CNTNAP5: variants seen among roughly 807,000 people sequenced by gnomAD.
CNTNAP5 encodes contactin associated protein family member 5, also known as contactin-associated protein-like 5.
In CNTNAP5, 72 loss-of-function variants were observed where a neutral mutation model predicts 150.2. That is an observed-to-expected ratio of 0.48 (90% CI 0.40 to 0.58). CNTNAP5 has a LOEUF of 0.58. Ranked by LOEUF, CNTNAP5 falls within the 20% of genes least tolerant of loss-of-function variation. The probability of loss-of-function intolerance (pLI) is 0.00; values close to 1 mark genes in which losing one functional copy is unlikely to be tolerated. For synonymous variants in CNTNAP5, 672 were observed against 619.8 expected, an observed-to-expected ratio of 1.08 and a Z score of -1.25; for missense variants, 1,636 against 1,626.2, an observed-to-expected ratio of 1.01 and a Z score of -0.10.
At chr2:124,372,884 G>A (rs1690563713) in intron 3 of CNTNAP5, among the ~76,000 whole-genome samples, 1 of 152,114 alleles carries the variant, frequency 6.6e-6, no homozygotes, top group Non-Finnish European at 1.5e-5. Flanking sequence ...TGAAGAAAAA[G>A]GAAGATAGTA....
chr2:124,278,325 G>A (rs918896456), intron 3 of CNTNAP5, among the ~76,000 whole-genome samples: 4 of 152,106 alleles, frequency 2.6e-5, no homozygotes, highest in Non-Finnish European at 4.4e-5. Flanking sequence ...TGGGAAAGAA[G>A]TGATAATTCG....
At chr2:124,177,809 T>G (rs1206204733) in intron 1 of CNTNAP5, among the ~76,000 whole-genome samples, 2 of 152,062 alleles carry the variant, frequency 1.3e-5, no homozygotes, top group Admixed American at 1.3e-4. Context: ...GGTTTTTGTT[T>G]GTTTGGTTGG....
chr2:124,668,078 G>A (rs562144318), intron 13 of CNTNAP5, among the ~76,000 whole-genome samples: 10 of 152,262 alleles, frequency 6.6e-5, no homozygotes, highest in South Asian at 6.2e-4. Flanking sequence ...AAGGTTAAAC[G>A]TGAGTGACTG....
chr2:124,462,742 T>TA (rs1220093854), intron 6 of CNTNAP5, among the ~76,000 whole-genome samples: 18 of 152,304 alleles, frequency 1.2e-4, no homozygotes, highest in African/African-American at 4.1e-4. Context: ...AGAGTACAGA[T>TA]AGAGAACCAC....
At chr2:124,179,507 G>T (rs1685158937) in intron 1 of CNTNAP5, among the ~76,000 whole-genome samples, 1 of 152,148 alleles carries the variant, frequency 6.6e-6, no homozygotes, top group African/African-American at 2.4e-5. Context: ...TTAGGAAAAG[G>T]TATGAAGGCT....
chr2:124,320,839 T>C (rs1324177295), intron 3 of CNTNAP5, among the ~76,000 whole-genome samples: 1 of 152,138 alleles, frequency 6.6e-6, no homozygotes, highest in Non-Finnish European at 1.5e-5. Flanking sequence ...ATGTGAGACA[T>C]GTTCACTGGT....
At chr2:124,186,658 C>A (rs1685340076) in intron 1 of CNTNAP5, among the ~76,000 whole-genome samples, 1 of 152,034 alleles carries the variant, frequency 6.6e-6, no homozygotes, top group South Asian at 2.1e-4. Context: ...CCATGCTGGC[C>A]CTGTTAAGCT....
chr2:124,584,293 G>T (rs887504938), intron 11 of CNTNAP5, among the ~76,000 whole-genome samples: 1 of 151,992 alleles, frequency 6.6e-6, no homozygotes, highest in Non-Finnish European at 1.5e-5. Flanking sequence ...TTTCTGCCTC[G>T]GTTTTCCTGC....
At chr2:124,540,134 C>T (rs1695344001) in intron 10 of CNTNAP5, among the ~76,000 whole-genome samples, 1 of 152,200 alleles carries the variant, frequency 6.6e-6, no homozygotes, top group South Asian at 2.1e-4. Context: ...ACATCCAGAA[C>T]ACCGTTAACT....
intron 19 of CNTNAP5, among the ~76,000 whole-genome samples, chr2:124,812,815 G>T (rs1682266077): frequency 6.6e-6 from 1 of 152,110 alleles, no homozygotes; most frequent in Admixed American, 6.5e-5. Flanking sequence ...AAACCAAGTT[G>T]CACCCCAATC....
At chr2:124,514,003 CT>C (rs1327974306) in intron 8 of CNTNAP5, among the ~76,000 whole-genome samples, 1 of 152,160 alleles carries the variant, frequency 6.6e-6, no homozygotes, top group Non-Finnish European at 1.5e-5. Context: ...TCATTAATGC[CT>C]CGGTATTTGA....
intron 17 of CNTNAP5, chr2:124,778,409 T>C (rs1681373738): frequency 6.6e-6 from 1 of 152,338 alleles, no homozygotes; most frequent in Admixed American, 6.5e-5. Context: ...GTTATGAAGT[T>C]TTTTTTGAAC....
At chr2:124,530,677 C>T (rs1464667510) in intron 10 of CNTNAP5, among the ~76,000 whole-genome samples, 3 of 152,152 alleles carry the variant, frequency 2.0e-5, no homozygotes, top group African/African-American at 7.2e-5. Flanking sequence ...AGCTCCAGTG[C>T]CTGGCAGTCC....
intron 3 of CNTNAP5, among the ~76,000 whole-genome samples, chr2:124,307,787 G>T (rs538311732): frequency 6.6e-6 from 1 of 152,302 alleles, no homozygotes; most frequent in East Asian, 1.9e-4. Flanking sequence ...GTAGCAACCA[G>T]ATTATGTAGT....
intron 19 of CNTNAP5, among the ~76,000 whole-genome samples, chr2:124,841,967 A>AG (rs1313141888): frequency 6.6e-6 from 1 of 151,946 alleles, no homozygotes; most frequent in Non-Finnish European, 1.5e-5. Context: ...TTAAAAAAAA[A>AG]CCTTCAGAAA....
chr2:124,091,966 G>T (rs1187522518), intron 1 of CNTNAP5, among the ~76,000 whole-genome samples: 1 of 152,192 alleles, frequency 6.6e-6, no homozygotes, highest in Non-Finnish European at 1.5e-5. Flanking sequence ...CAGGTCCTCG[G>T]CTTCTGTGCC....
At chr2:124,622,888 G>A (rs1016626345) in intron 12 of CNTNAP5, among the ~76,000 whole-genome samples, 2 of 152,194 alleles carry the variant, frequency 1.3e-5, no homozygotes, top group Non-Finnish European at 2.9e-5. Context: ...ATTACAGACT[G>A]TAAAATATTG....
chr2:124,638,685 C>T (rs552215491), intron 12 of CNTNAP5, among the ~76,000 whole-genome samples: 1 of 152,246 alleles, frequency 6.6e-6, no homozygotes, highest in African/African-American at 2.4e-5. Flanking sequence ...TGTTCTTATC[C>T]AACTTTTTTA....
intron 19 of CNTNAP5, among the ~76,000 whole-genome samples, chr2:124,823,957 T>G (rs894897200): frequency 5.3e-5 from 8 of 151,478 alleles, no homozygotes; most frequent in Non-Finnish European, 8.8e-5. Context: ...TTACTCTTGT[T>G]TCCCAGGCTG....
Sources: gnomAD v4.1 joint callset for allele counts (sites outside exome capture counted in the v4.1 genomes callset) on GRCh38, gnomAD v4.1.1 for gene constraint, MANE v1.5 for transcripts, NCBI Gene and HGNC (gene_info 2026-07-23, HGNC 2026-07-21) for gene names.